Variants in UBE2O observed in about 807,000 individuals in gnomAD.
UBE2O encodes the protein (E3-independent) E2 ubiquitin-conjugating enzyme.
A neutral mutation model predicts 125.8 loss-of-function variants in UBE2O; 15 were observed. That is an observed-to-expected ratio of 0.12 (90% CI 0.08 to 0.18). The LOEUF is 0.18. UBE2O is among the 10% of genes least tolerant of loss of function. The probability of loss-of-function intolerance (pLI) is 1.00; values close to 1 mark genes in which losing one functional copy is unlikely to be tolerated. For missense variants in UBE2O, 1,280 were observed against 1,723.6 expected (o/e 0.74, Z 4.56); for synonymous variants, 708 against 703.2 (o/e 1.01, Z -0.11).
intron 1 of UBE2O, among the ~76,000 whole-genome samples, chr17:76,422,425 G>A (rs550642307): frequency 1.1e-4 from 17 of 152,272 alleles, no homozygotes; most frequent in Admixed American, 3.9e-4. Context: ...TCTTCCTCCC[G>A]TTCATCATAT....
At position 76,452,872 on chromosome 17, in the gene UBE2O, C is replaced by CTCCGAG. The variant is rs1012196289; in HGVS notation, c.264_269dup (p.Asp88_Ser89dup). On this transcript the variant is annotated inframe_insertion, in exon 1 of 18. Transcript: ENST00000319380. The surrounding 1 kb of genome is among the most constrained non-coding windows in gnomAD (Gnocchi z 4.4). Reference sequence around the variant, plus strand: ...AGCTCCCGCGGCCCTCCTCCTCGCCCTCCGAGTCCGAGTCCTCGCCGTGGA... The same window carrying CTCCGAG: ...AGCTCCCGCGGCCCTCCTCCTCGCCCTCCGAGTCCGAGTCCGAGTCCTCGCCGTGGA... The CTCCGAG allele has an allele frequency of 5.3e-6, 8 of 1,504,562 alleles. No individual in the cohort carries two copies. The highest frequency in any genetic ancestry group is 7.1e-6 in the Non-Finnish European group (8 of 1,126,480). 93.2% of individuals were successfully genotyped at this position (1,504,562 alleles called of 1,614,324 possible). A position where few individuals can be genotyped will look rare whatever the true frequency, so the allele number is the denominator to read the frequency against.
chr17:76,411,366 A>C (rs575867698), intron 1 of UBE2O, among the ~76,000 whole-genome samples: 1 of 152,346 alleles, frequency 6.6e-6, no homozygotes, highest in South Asian at 2.1e-4. Context: ...TGGCTCCTAA[A>C]GGCTGGGCTG....
At position 76,400,344 on chromosome 17, in the gene UBE2O, G is replaced by A. The variant is rs1048036290; in HGVS notation, c.1005-47C>T. On this transcript the variant is annotated intron_variant, in intron 7 of 17. Coordinates refer to ENST00000319380, the MANE Select transcript of UBE2O (RefSeq NM_022066.4). This position sits in a 1 kb window ranked among gnomAD's most constrained non-coding sequence, Gnocchi z 4.3. ...GTGAGCTGGGCTGGACTCCTGGGAG[G>A]CCAGCAGTGTTCTTAAGCCTCCCCA... 2 of 1,603,076 alleles carry A rather than the reference G, an allele frequency of 1.2e-6. No homozygotes were observed. Among genetic ancestry groups the A allele is most frequent in the African/African-American group, 1.3e-5 (1 of 74,606 alleles).
At position 76,400,528 on chromosome 17, in the gene UBE2O, A is replaced by G. The variant is rs1391953480; in HGVS notation, c.917T>C (p.Val306Ala). The G allele has an allele frequency of 1.9e-6, 3 of 1,612,982 alleles. No individual in the cohort carries two copies. The African/African-American group carries it at 4.0e-5, about 22-fold the overall frequency. ...ACAGAAACTCTTGGTAATCCATGTA[A>G]CTTTCAACTCTACAACCTGCACCTG... Reference protein sequence around the residue: ...VEEVQVVELKVTWITKSFCPG... With the variant: ...VEEVQVVELKATWITKSFCPG... The change falls in exon 7 of 18, where the codon GTT (valine) becomes GCT (alanine). Residue 306 changes from valine (V) to alanine (A), a missense_variant. Coordinates refer to ENST00000319380, the MANE Select transcript of UBE2O (RefSeq NM_022066.4). The surrounding 1 kb of genome is among the most constrained non-coding windows in gnomAD (Gnocchi z 4.3).
chr17:76,420,604 T>C (rs2072693260), intron 1 of UBE2O, among the ~76,000 whole-genome samples: 2 of 152,150 alleles, frequency 1.3e-5, no homozygotes, highest in Admixed American at 6.5e-5. Context: ...CTCCACTCCT[T>C]ACAACTCTGT....
intron 15 of UBE2O, among the ~76,000 whole-genome samples, chr17:76,392,736 T>A (rs1005101182): frequency 4.6e-5 from 7 of 151,990 alleles, no homozygotes; most frequent in Non-Finnish European, 8.8e-5. Context: ...GTGGATCACT[T>A]AAGGTCAGGA....
intron 1 of UBE2O, among the ~76,000 whole-genome samples, chr17:76,419,768 A>AC: frequency 6.6e-6 from 1 of 152,362 alleles, no homozygotes; most frequent in Non-Finnish European, 1.5e-5. Context: ...GAAGACTTCC[A>AC]GGCAGGAAGG....
Position 76,430,107 on chromosome 17 carries a change from T to C in UBE2O, c.417+22618A>G, listed in dbSNP as rs533972713. ...TGCTTTCTAAAGTGCTTTTCCTTGG[T>C]GTTTTTCCGCAGGTACCAACATTTC... On this transcript the variant is annotated intron_variant, in intron 1 of 17. Coordinates refer to ENST00000319380, the MANE Select transcript of UBE2O (RefSeq NM_022066.4). 1.9e-3 allele frequency among the ~76,000 whole-genome samples: 289 copies of C among 152,298 alleles called. 1 individual carries two copies. The highest frequency in any genetic ancestry group is 6.7e-3 in the African/African-American group (278 of 41,570).
chr17:76,424,996 G>C lies in UBE2O; in HGVS notation c.418-19424C>G, dbSNP rs1231415305. Reference sequence around the variant, plus strand: ...TGCCATTCTCCTGCCTCAGCCTCCCGAGTAGCTGGGACTACAGGCACCCGC... The same window carrying C: ...TGCCATTCTCCTGCCTCAGCCTCCCCAGTAGCTGGGACTACAGGCACCCGC... On this transcript the variant is annotated intron_variant, in intron 1 of 17. Coordinates refer to ENST00000319380, the MANE Select transcript of UBE2O (RefSeq NM_022066.4). Among the ~76,000 whole-genome samples the C allele has an allele frequency of 2.0e-5, 3 of 150,666 alleles. No individual in the cohort carries two copies. In the South Asian group the frequency reaches 6.3e-4, roughly 32 times the overall value.
At position 76,447,485 on chromosome 17, in the gene UBE2O, CT is replaced by C; in HGVS notation, c.417+5239del. ...TTACCTTAAAATATAAAGCAATACTCTATCATCTTTGTAATTTATAATCTCA... is the reference window on the plus strand; with the variant it reads ...TTACCTTAAAATATAAAGCAATACTCATCATCTTTGTAATTTATAATCTCA... On this transcript the variant is annotated intron_variant, in intron 1 of 17. Transcript: ENST00000319380. 2.0e-5 allele frequency among the ~76,000 whole-genome samples: 3 copies of C among 152,326 alleles called. No individual in the cohort carries two copies. The East Asian group carries it at 5.8e-4, about 29-fold the overall frequency.
At chr17:76,432,257 G>A (rs748650776) in intron 1 of UBE2O, among the ~76,000 whole-genome samples, 2 of 152,236 alleles carry the variant, frequency 1.3e-5, no homozygotes, top group Non-Finnish European at 2.9e-5. Context: ...AAACTGCTAC[G>A]GAAAGGACTC....
intron 1 of UBE2O, among the ~76,000 whole-genome samples, chr17:76,411,397 GC>G (rs1204162760): frequency 6.6e-6 from 1 of 152,204 alleles, no homozygotes; most frequent in East Asian, 1.9e-4. Flanking sequence ...CCATGCCCTT[GC>G]CCCAAGGGAA....
rs777864406 is a variant in UBE2O, at chr17:76,404,767, G to A, written c.588+439C>T. On this transcript the variant is annotated intron_variant, in intron 3 of 17. Transcript: ENST00000319380. This position sits in a 1 kb window ranked among gnomAD's most constrained non-coding sequence, Gnocchi z 4.3. ...AAATGTTTTGGGAAGAAAAAAGACC[G>A]GAGGGGGATCTCGGGGAAAAGGAGG... Among the ~76,000 whole-genome samples, 27 of 152,116 alleles carry A rather than the reference G, an allele frequency of 1.8e-4. No individual in the cohort carries two copies. The highest frequency in any genetic ancestry group is 6.5e-5 in the Admixed American group (1 of 15,274).
At position 76,453,032 on chromosome 17, in the gene UBE2O, G is replaced by C; in HGVS notation, c.110C>G (p.Ala37Gly). The C allele has an allele frequency of 4.2e-6, 6 of 1,433,764 alleles. No individual in the cohort carries two copies. The highest frequency in any genetic ancestry group is 4.6e-6 in the Non-Finnish European group (5 of 1,094,186). The allele number at this position is 1,433,764 out of a possible 1,614,324, so 88.8% of individuals were successfully genotyped here. A position where few individuals can be genotyped will look rare whatever the true frequency, so the allele number is the denominator to read the frequency against. The part of the protein sequence containing the change: ...APAAAPVPAP[A>G]PASDSASGPS... ...CCCGGAGGCCGAGTCCGAGGCGGGC[G>C]CCGGCGCCGGGACGGGGGCTGCGGC... The change falls in exon 1 of 18, where the codon GCG becomes GGG. Residue 37 changes from alanine (A) to glycine (G), a missense_variant. Physicochemically the swap from Ala to Gly is moderately conservative, Grantham distance 60. This residue lies in a region of UBE2O where 188 missense variants were observed against 192.5 expected (regional missense o/e 0.98). Transcript: ENST00000319380.
chr17:76,434,013 CG>C (rs2072943961), intron 1 of UBE2O, among the ~76,000 whole-genome samples: 1 of 152,170 alleles, frequency 6.6e-6, no homozygotes, highest in Non-Finnish European at 1.5e-5. Flanking sequence ...AAGACAAAAA[CG>C]AGCCCTCCTA....
At chr17:76,426,705 C>G (rs1009358007) in intron 1 of UBE2O, among the ~76,000 whole-genome samples, 7 of 152,170 alleles carry the variant, frequency 4.6e-5, no homozygotes, top group South Asian at 2.1e-4. Flanking sequence ...TGTGTTCATT[C>G]AAATCACCCC....
chr17:76,396,550 G>T lies in UBE2O; in HGVS notation c.2387C>A (p.Ala796Asp). 6.2e-7 allele frequency: 1 copy of T among 1,611,658 alleles called. No individual in the cohort carries two copies. The highest frequency in any genetic ancestry group is 8.5e-7 in the Non-Finnish European group (1 of 1,179,222). ...QGAVAMAAPM[A>D]GLMEKAGKDG... ...CTTGCCAGCCTTCTCCATCAGCCCG[G>T]CCATGGGGGCAGCCATGGCCACAGC... Residue 796 changes from alanine (A) to aspartate (D), a missense_variant, in exon 14 of 18, where the codon GCC becomes GAC. Ala to Asp is a moderately radical substitution (Grantham distance 126). Transcript: ENST00000319380. This position sits in a 1 kb window ranked among gnomAD's most constrained non-coding sequence, Gnocchi z 6.7.
In UBE2O at chr17:76,391,530, G is replaced by A; in HGVS notation, c.3292C>T (p.Arg1098Cys). ...RGLQEGYENS[R>C]CYNEMALIRV... ...ATCAGCGCCATCTCATTGTAACAGC[G>A]ACTGTTTTCATAGCCTTCCTGCAGG... is the stretch of plus-strand genomic sequence containing the variant. The change falls in exon 18 of 18, where the codon CGC becomes TGC. Residue 1098 changes from arginine (R) to cysteine (C), a missense_variant. Physicochemically the swap from Arg to Cys is radical, Grantham distance 180 (BLOSUM62 -3). Transcript: ENST00000319380. The surrounding 1 kb of genome is among the most constrained non-coding windows in gnomAD (Gnocchi z 8.4). The A allele has an allele frequency of 6.2e-7, 1 of 1,614,084 alleles. No individual in the cohort carries two copies. The highest frequency in any genetic ancestry group is 8.5e-7 in the Non-Finnish European group (1 of 1,180,038).
Position 76,452,783 on chromosome 17 carries a change from C to A in UBE2O, c.359G>T (p.Gly120Val). The change falls in exon 1 of 18, where the codon GGC becomes GTC. Residue 120 changes from glycine (G) to valine (V), a missense_variant. This residue lies in a region of UBE2O where 188 missense variants were observed against 192.5 expected (regional missense o/e 0.98). Coordinates refer to ENST00000319380, the MANE Select transcript of UBE2O (RefSeq NM_022066.4). The surrounding 1 kb of genome is among the most constrained non-coding windows in gnomAD (Gnocchi z 4.4). ...EEGRASPLRR[G>V]YVRVQWYPEG... The stretch of plus-strand genomic sequence containing the variant: ...CGGGTACCACTGGACGCGCACGTAG[C>A]CGCGGCGCAGGGGGCTGGCCCGGCC... 6.6e-7 allele frequency: 1 copy of A among 1,523,526 alleles called. No homozygotes were observed. The highest frequency in any genetic ancestry group is 8.8e-7 in the Non-Finnish European group (1 of 1,142,730). The allele number at this position is 1,523,526 out of a possible 1,614,324, so 94.4% of individuals were successfully genotyped here.
Sources: gnomAD v4.1 joint callset for allele counts (sites outside exome capture counted in the v4.1 genomes callset) on GRCh38, gnomAD v4.1.1 for gene constraint, gnomAD v4.1.1 regional missense constraint, Gnocchi (gnomAD v3.1) non-coding constraint, MANE v1.5 for transcripts, NCBI Gene and HGNC (gene_info 2026-07-23, HGNC 2026-07-21) for gene names.